The following DIDO1 variants were observed in gnomAD, a reference collection of about 807,000 sequenced individuals.
DIDO1 encodes the protein death inducer-obliterator 1, also known as death-inducer obliterator 1.
Under a neutral mutation model 99.4 loss-of-function variants are expected in DIDO1, and 16 were observed. The ratio of observed to expected loss-of-function variants is 0.16; its 90% CI spans 0.11 to 0.24. DIDO1 has a LOEUF of 0.24. DIDO1 is among the 10% of genes least tolerant of loss of function. The pLI is 1.00. For missense variants in DIDO1, 2,996 were observed against 3,014.0 expected, an observed-to-expected ratio of 0.99 and a Z score of 0.14; for synonymous variants, 1,366 against 1,239.1, an observed-to-expected ratio of 1.10 and a Z score of -2.15.
rs569342385 is a variant in DIDO1, at chr20:62,891,035, C to T, written c.3466G>A (p.Val1156Ile). Residue 1156 changes from valine to isoleucine, a missense_variant, in exon 15 of 16, where the codon GTC (valine) becomes ATC (isoleucine). This residue lies in a region of DIDO1 where 135 missense variants were observed against 202.3 expected (regional missense o/e 0.67). Transcript: ENST00000395343. The stretch of plus-strand genomic sequence containing the variant: ...AGCGGGATCAGGTAGAGGTCCTTGA[C>T]GTGCCTGTTGTTATTAGCTACAACA... Reference protein sequence around the residue: ...FGVVANNNRHVKDLYLIPLSA... With the variant: ...FGVVANNNRHIKDLYLIPLSA... 1.2e-5 allele frequency: 19 copies of T among 1,614,170 alleles called. No individual in the cohort carries two copies. The highest frequency in any genetic ancestry group is 1.7e-4 in the Middle Eastern group (1 of 6,060).
chr20:62,931,589 C>T (rs1601054350), intron 1 of DIDO1, among the ~76,000 whole-genome samples: 1 of 152,080 alleles, frequency 6.6e-6, no homozygotes, highest in Admixed American at 6.6e-5. Flanking sequence ...TAGAGACCCG[C>T]GAAAAAGGGG....
intron 6 of DIDO1, among the ~76,000 whole-genome samples, chr20:62,899,558 A>G (rs1408222090): frequency 1.3e-5 from 2 of 152,234 alleles, no homozygotes; most frequent in Non-Finnish European, 2.9e-5. Context: ...CTCCCAGTAC[A>G]TGGGTTTAAA....
At chr20:62,885,702 C>T (rs948563512) in intron 15 of DIDO1, among the ~76,000 whole-genome samples, 1 of 152,232 alleles carries the variant, frequency 6.6e-6, no homozygotes, top group East Asian at 1.9e-4. Context: ...CAAAAAGGCA[C>T]ACCCGCTGTG....
At chr20:62,904,807 A>AAAAAAAAAAAAT (rs1568859998) in intron 6 of DIDO1, among the ~76,000 whole-genome samples, 14 of 141,704 alleles carry the variant, frequency 9.9e-5, no homozygotes, top group Non-Finnish European at 1.8e-4. Context: ...AAAAAAAAAA[A>AAAAAAAAAAAAT]GTGTCTTTTT....
chr20:62,923,035 T>C (rs575956947), intron 1 of DIDO1, among the ~76,000 whole-genome samples: 1 of 152,302 alleles, frequency 6.6e-6, no homozygotes. Flanking sequence ...AGAGTCTTGC[T>C]CTGTCACCCA....
At chr20:62,882,837 G>A (rs1244509776) in intron 15 of DIDO1, among the ~76,000 whole-genome samples, 9 of 151,556 alleles carry the variant, frequency 5.9e-5, no homozygotes. Flanking sequence ...AAAGGGCATT[G>A]TCGCACATGC....
In DIDO1 at chr20:62,894,984, T is replaced by A. The variant is rs923706141; in HGVS notation, c.2331+65A>T. 6.3e-6 allele frequency: 10 copies of A among 1,597,052 alleles called. No individual in the cohort carries two copies. The highest frequency in any genetic ancestry group is 6.9e-6 in the Non-Finnish European group (8 of 1,165,898). ...GAGGAAAGCATCGCTTATGCAGCCG[T>A]CTATGAATTTATTTCTATTAAGCTC... is the stretch of plus-strand genomic sequence containing the variant. On this transcript the variant is annotated intron_variant, in intron 9 of 15. Coordinates refer to ENST00000395343, the MANE Select transcript of DIDO1 (RefSeq NM_001193369.2). The surrounding 1 kb of genome is among the most constrained non-coding windows in gnomAD (Gnocchi z 4.4).
At chr20:62,895,278 T>C in intron 8 of DIDO1, 113 bp from the exon 9 acceptor site, 3 of 947,566 alleles carry the variant, frequency 3.2e-6, no homozygotes, top group Non-Finnish European at 4.9e-6. Context: ...ACAAAGGCCC[T>C]CAGGGCCCAC....
Position 62,910,778 on chromosome 20 carries a change from T to C in DIDO1, c.835A>G (p.Asn279Asp), listed in dbSNP as rs2064915138. 2 of 1,610,516 alleles carry C rather than the reference T, an allele frequency of 1.2e-6. No homozygotes were observed. Among genetic ancestry groups the C allele is most frequent in the Non-Finnish European group, 1.7e-6 (2 of 1,176,940 alleles). The change falls in exon 3 of 16, where the codon AAC (asparagine) becomes GAC (aspartate). Residue 279 changes from asparagine (N) to aspartate (D), a missense_variant. Asn to Asp is a conservative substitution (Grantham distance 23). This residue lies in a region of DIDO1 where 13 missense variants were observed against 49.9 expected (regional missense o/e 0.26). Transcript: ENST00000395343. ...GGGTGCCCACACATGACCCACCTGTTGTTGTGAGGCTGGCGGCAAATGCAA... is the reference window on the plus strand; with the variant it reads ...GGGTGCCCACACATGACCCACCTGTCGTTGTGAGGCTGGCGGCAAATGCAA... ...LYCICRQPHN[N>D]RFMICCDRCE...
intron 2 of DIDO1, among the ~76,000 whole-genome samples, chr20:62,913,583 C>T (rs531491091): frequency 2.3e-4 from 35 of 152,244 alleles, no homozygotes; most frequent in Non-Finnish European, 4.7e-4. Flanking sequence ...AAGTTTTCTG[C>T]TTGTGCAAGC....
intron 2 of DIDO1, among the ~76,000 whole-genome samples, chr20:62,913,142 A>G (rs529279362): frequency 3.9e-5 from 6 of 152,344 alleles, no homozygotes; most frequent in African/African-American, 1.2e-4. Context: ...CTGTCCAGCT[A>G]AAGATGCTGC....
At chr20:62,916,547 T>C (rs929781309) in intron 1 of DIDO1, among the ~76,000 whole-genome samples, 2 of 152,186 alleles carry the variant, frequency 1.3e-5, no homozygotes, top group African/African-American at 4.8e-5. Flanking sequence ...AACCTATTAA[T>C]ACATTAATAG....
rs1204206825 is a variant in DIDO1 at position 62,911,943 on chromosome 20, G to GGTAAGGATGTGA, written c.-2-341_-2-330dup. 6.6e-6 allele frequency among the ~76,000 whole-genome samples: 1 copy of GGTAAGGATGTGA among 150,988 alleles called. No homozygotes were observed. The highest frequency in any genetic ancestry group is 6.6e-5 in the Admixed American group (1 of 15,220). On this transcript the variant is annotated intron_variant, in intron 2 of 15. Transcript: ENST00000395343. The surrounding 1 kb of genome is among the most constrained non-coding windows in gnomAD (Gnocchi z 7.0). ...TAGGAAATATTGGACAGTATAGCAG[G>GGTAAGGATGTGA]GTAAGGATGTGAGTAAGGACGTGAG...
At chr20:62,923,087 G>A (rs1245142439) in intron 1 of DIDO1, among the ~76,000 whole-genome samples, 1 of 152,194 alleles carries the variant, frequency 6.6e-6, no homozygotes, top group African/African-American at 2.4e-5. Context: ...CTACAGCCTG[G>A]AACTCCTGGC....
intron 14 of DIDO1, 51 bp from the exon 15 acceptor site, chr20:62,891,206 C>T: frequency 6.2e-7 from 1 of 1,609,420 alleles, no homozygotes. Context: ...GCTCAAGCAT[C>T]ACACGCCCAA....
At chr20:62,885,624 A>C (rs971683110) in intron 15 of DIDO1, among the ~76,000 whole-genome samples, 9 of 152,212 alleles carry the variant, frequency 5.9e-5, no homozygotes, top group Non-Finnish European at 1.3e-4. Context: ...CTGAATAAAG[A>C]AAGCTGCAGA....
rs758513961 is a variant in DIDO1, at chr20:62,880,106, G to C, written c.5850C>G (p.Gly1950=). The part of the protein sequence containing the change: ...PHPNQFEGPR[G]QAPNFMPGPR... ...GACCTGGCATAAAGTTAGGCGCTTG[G>C]CCTCTGGGTCCTTCAAACTGGTTGG... The change falls in exon 16 of 16, where the codon GGC becomes GGG. Residue 1950 remains glycine, a synonymous_variant. Transcript: ENST00000395343. The C allele has an allele frequency of 3.7e-6, 6 of 1,612,398 alleles. No homozygotes were observed. In the East Asian group the frequency reaches 8.9e-5, roughly 24 times the overall value.
At chr20:62,928,813 A>C (rs930101117), upstream of DIDO1, 1 of 152,214 alleles carries the variant, frequency 6.6e-6, no homozygotes, top group African/African-American at 2.4e-5. Flanking sequence ...GAAGCTTAAT[A>C]GGTGGTCCAT....
At chr20:62,904,355 G>C (rs546657140) in intron 6 of DIDO1, among the ~76,000 whole-genome samples, 2 of 152,162 alleles carry the variant, frequency 1.3e-5, no homozygotes, top group South Asian at 4.1e-4. Context: ...GTAAGGTATC[G>C]AGATTCATTA....
Sources: allele counts gnomAD v4.1 joint callset (sites outside exome capture counted in the v4.1 genomes callset), GRCh38; gene constraint gnomAD v4.1.1; regional missense constraint gnomAD v4.1.1; non-coding constraint Gnocchi (gnomAD v3.1); transcripts MANE v1.5; gene names NCBI Gene and HGNC (gene_info 2026-07-23, HGNC 2026-07-21).